GALNT1: variants seen among roughly 807,000 people sequenced by gnomAD.
GALNT1 encodes the protein GalNAc transferase 1.
Under a neutral mutation model 65.7 loss-of-function variants are expected in GALNT1, and 17 were observed. The observed-to-expected ratio is 0.26, with a 90% CI of 0.18 to 0.39. The LOEUF (loss-of-function observed/expected upper bound fraction) is 0.39, where lower values mean the gene tolerates loss of function less well. Ranked by LOEUF, GALNT1 falls within the 10% of genes least tolerant of loss-of-function variation. GALNT1 has a pLI of 1.00. For missense variants in GALNT1, 460 were observed against 672.8 expected, an observed-to-expected ratio of 0.68 and a Z score of 3.50; for synonymous variants, 210 against 219.7, an observed-to-expected ratio of 0.96 and a Z score of 0.39.
At chr18:35,705,554 C>T (rs1324164959) in intron 11 of GALNT1, among the ~76,000 whole-genome samples, 2 of 152,130 alleles carry the variant, frequency 1.3e-5, no homozygotes, top group East Asian at 3.9e-4. Context: ...TGGTATGTGC[C>T]ACTGCCATTT....
At chr18:35,631,050 A>G (rs940490670) in intron 1 of GALNT1, among the ~76,000 whole-genome samples, 3 of 152,208 alleles carry the variant, frequency 2.0e-5, no homozygotes, top group Non-Finnish European at 4.4e-5. Flanking sequence ...TCTGAAATTG[A>G]GGCAGTAATT....
chr18:35,658,534 T>G (rs2047428550), intron 2 of GALNT1, among the ~76,000 whole-genome samples: 1 of 151,956 alleles, frequency 6.6e-6, no homozygotes, highest in African/African-American at 2.4e-5. Flanking sequence ...TGCTGAGAGG[T>G]CTTAAGTCTT....
At chr18:35,637,519 T>C (rs989649887) in intron 1 of GALNT1, among the ~76,000 whole-genome samples, 2 of 152,218 alleles carry the variant, frequency 1.3e-5, no homozygotes, top group South Asian at 2.1e-4. Flanking sequence ...GTCAATGCTA[T>C]GAAGGCTGAG....
In GALNT1 at chr18:35,623,844, T is replaced by C. The variant is rs2046885211; in HGVS notation, c.-103-30716T>C. Among the ~76,000 whole-genome samples, 3 of 152,232 alleles carry C rather than the reference T, an allele frequency of 2.0e-5. No individual in the cohort carries two copies. The South Asian group carries it at 6.2e-4, about 31-fold the overall frequency. ...TTGAACATATTTATAGTAGGTACGTTATAGTCCTTGCCAACTGATTTCCAC... is the reference window on the plus strand; with the variant it reads ...TTGAACATATTTATAGTAGGTACGTCATAGTCCTTGCCAACTGATTTCCAC... On this transcript the variant is annotated intron_variant, in intron 1 of 11. Transcript: ENST00000269195.
At position 35,679,960 on chromosome 18, in the gene GALNT1, C is replaced by G. The variant is rs116019817; in HGVS notation, c.481+2203C>G. Among the ~76,000 whole-genome samples, 1,510 of 152,174 alleles carry G rather than the reference C, an allele frequency of 9.9e-3. 31 individuals are homozygous for G. The highest frequency in any genetic ancestry group is 0.034 in the African/African-American group (1,430 of 41,496). On this transcript the variant is annotated intron_variant, in intron 4 of 11. Coordinates refer to ENST00000269195, the MANE Select transcript of GALNT1 (RefSeq NM_020474.4). ...CTAATGTCCCCACATACTCTTACCCCCTCCCATCTGTTCACCATGGTGCCT... is the reference window on the plus strand; with the variant it reads ...CTAATGTCCCCACATACTCTTACCCGCTCCCATCTGTTCACCATGGTGCCT...
intron 1 of GALNT1, among the ~76,000 whole-genome samples, chr18:35,639,380 T>G (rs1194917323): frequency 1.3e-5 from 2 of 152,196 alleles, no homozygotes; most frequent in African/African-American, 2.4e-5. Flanking sequence ...GCAGTAAAAT[T>G]TTTAAATTAA....
At chr18:35,606,050 C>T (rs576360) in intron 1 of GALNT1, among the ~76,000 whole-genome samples, 52,366 of 152,052 alleles carry the variant, frequency 0.34, 9,912 homozygotes, top group Middle Eastern at 0.52. Flanking sequence ...TGGCTTAAAA[C>T]AACAAAACTT....
At chr18:35,600,705 A>G (rs2046571368) in intron 1 of GALNT1, among the ~76,000 whole-genome samples, 1 of 151,962 alleles carries the variant, frequency 6.6e-6, no homozygotes, top group African/African-American at 2.4e-5. Flanking sequence ...ATCCTTCTAT[A>G]CCATTAACAT....
chr18:35,689,452 A>C (rs930341084), intron 7 of GALNT1, among the ~76,000 whole-genome samples, 162 bp downstream of exon 7: 3 of 152,214 alleles, frequency 2.0e-5, no homozygotes, highest in African/African-American at 2.4e-5. Flanking sequence ...GTAAGGGTTC[A>C]TTATAAACTA....
intron 2 of GALNT1, among the ~76,000 whole-genome samples, chr18:35,661,989 G>T (rs1200439110): frequency 6.6e-6 from 1 of 151,968 alleles, no homozygotes; most frequent in Admixed American, 6.6e-5. Flanking sequence ...AAAGATTTTT[G>T]TCACCTTCAG....
chr18:35,587,809 G>A (rs1295793495), intron 1 of GALNT1, among the ~76,000 whole-genome samples: 1 of 152,152 alleles, frequency 6.6e-6, no homozygotes, highest in East Asian at 1.9e-4. Flanking sequence ...TTCCCTCTCA[G>A]CACTGTTTTC....
chr18:35,703,122 T>C (rs1287020847), intron 10 of GALNT1, 127 bp downstream of exon 10: 2 of 582,490 alleles, frequency 3.4e-6, no homozygotes, highest in East Asian at 5.8e-5. Context: ...TAAAGACTTT[T>C]AGGTGAAGGA....
chr18:35,585,087 G>T (rs1598777432), intron 1 of GALNT1, among the ~76,000 whole-genome samples: 2 of 152,162 alleles, frequency 1.3e-5, no homozygotes, highest in African/African-American at 4.8e-5. Flanking sequence ...ATTGTAGGTG[G>T]GGGAACTTCA....
chr18:35,647,996 C>T (rs1165745547), intron 1 of GALNT1, among the ~76,000 whole-genome samples: 2 of 145,514 alleles, frequency 1.4e-5, no homozygotes, highest in East Asian at 2.0e-4. Context: ...AGCCTGGGTA[C>T]AAAGTGAGAA....
At chr18:35,680,715 T>C (rs1346676901) in intron 4 of GALNT1, among the ~76,000 whole-genome samples, 1 of 152,214 alleles carries the variant, frequency 6.6e-6, no homozygotes, top group Non-Finnish European at 1.5e-5. Context: ...GTGCTATAAT[T>C]ATTCCTGTTT....
intron 1 of GALNT1, among the ~76,000 whole-genome samples, chr18:35,609,599 C>A (rs572499541): frequency 1.3e-5 from 2 of 152,106 alleles, no homozygotes; most frequent in African/African-American, 4.8e-5. Context: ...TAATTCTTCA[C>A]TGTCTTGGCA....
intron 1 of GALNT1, among the ~76,000 whole-genome samples, chr18:35,622,677 T>C (rs1305697261): frequency 6.6e-6 from 1 of 152,208 alleles, no homozygotes; most frequent in Non-Finnish European, 1.5e-5. Context: ...TTTTCTATTA[T>C]TTTTTGTTCG....
intron 1 of GALNT1, chr18:35,596,764 TCATCA>T (rs1219706774): frequency 2.6e-5 from 4 of 152,264 alleles, no homozygotes; most frequent in Non-Finnish European, 5.9e-5. Context: ...ATTCCATTGC[TCATCA>T]CATCTTAGCC....
At chr18:35,610,449 A>G (rs1298853217) in intron 1 of GALNT1, among the ~76,000 whole-genome samples, 1 of 152,308 alleles carries the variant, frequency 6.6e-6, no homozygotes, top group Middle Eastern at 3.4e-3. Flanking sequence ...GTGCTTTACT[A>G]TAGTTCCATG....
Sources: gnomAD v4.1 joint callset for allele counts (sites outside exome capture counted in the v4.1 genomes callset) on GRCh38, gnomAD v4.1.1 for gene constraint, MANE v1.5 for transcripts, NCBI Gene and HGNC (gene_info 2026-07-23, HGNC 2026-07-21) for gene names.